Variants in SFMBT2 observed in about 807,000 individuals in gnomAD.
The protein encoded by SFMBT2 is Scm like with four mbt domains 2, also known as scm-like with four MBT domains protein 2.
In SFMBT2, 38 loss-of-function variants were observed where a neutral mutation model predicts 110.1. That is an observed-to-expected ratio of 0.35 (90% CI 0.27 to 0.45). The LOEUF (loss-of-function observed/expected upper bound fraction) is 0.45, where lower values mean the gene tolerates loss of function less well. Among genes scored for constraint, SFMBT2 ranks in the 20% least tolerant of loss-of-function variants. The pLI is 1.00. For missense variants in SFMBT2, 1,011 were observed against 1,094.9 expected (o/e 0.92, Z 1.08); for synonymous variants, 425 against 425.4 (o/e 1.00, Z 0.01).
At chr10:7,213,941 C>T (rs1396317299) in intron 11 of SFMBT2, among the ~76,000 whole-genome samples, 1 of 152,216 alleles carries the variant, frequency 6.6e-6, no homozygotes, top group East Asian at 1.9e-4. Flanking sequence ...CTAACCTCTA[C>T]ATCTGAGAAA....
intron 15 of SFMBT2, among the ~76,000 whole-genome samples, chr10:7,192,436 T>G (rs555495882): frequency 2.0e-4 from 31 of 152,334 alleles, no homozygotes; most frequent in Admixed American, 3.3e-4. Context: ...CTATGAACAC[T>G]GAAGGCTGCT....
At chr10:7,377,981 G>C (rs1437852169) in intron 2 of SFMBT2, among the ~76,000 whole-genome samples, 1 of 145,072 alleles carries the variant, frequency 6.9e-6, no homozygotes, top group Non-Finnish European at 1.5e-5. Context: ...TGTGTGTGTG[G>C]GGGGGAGGTG....
At chr10:7,215,516 G>T in intron 11 of SFMBT2, 1 of 983,488 alleles carries the variant, frequency 1.0e-6, no homozygotes, top group Non-Finnish European at 1.2e-6. Context: ...GGCAGGGGTT[G>T]TTTTATCCAA....
chr10:7,325,693 C>A (rs559767872), intron 4 of SFMBT2, among the ~76,000 whole-genome samples: 1 of 152,276 alleles, frequency 6.6e-6, no homozygotes, highest in East Asian at 1.9e-4. Flanking sequence ...TACAACGTGG[C>A]GGTCAAATCT....
At chr10:7,410,252 G>A (rs1846336433) in intron 1 of SFMBT2, among the ~76,000 whole-genome samples, 1 of 152,252 alleles carries the variant, frequency 6.6e-6, no homozygotes. Flanking sequence ...TTTTATTTCA[G>A]TTGCTCAGGC....
At chr10:7,228,921 G>A (rs1484306986) in intron 9 of SFMBT2, among the ~76,000 whole-genome samples, 1 of 151,948 alleles carries the variant, frequency 6.6e-6, no homozygotes, top group African/African-American at 2.4e-5. Context: ...CCTAAGAAAG[G>A]CATAACCCAG....
rs117658025 is a variant in SFMBT2, at chr10:7,388,008, G to A, written c.-51-6059C>T. ...TGGAGGTACCAGCAGCAAACAGCATGGCAGACCCTTGGGAAAAAGTCTAAG... is the reference window on the plus strand; with the variant it reads ...TGGAGGTACCAGCAGCAAACAGCATAGCAGACCCTTGGGAAAAAGTCTAAG... On this transcript the variant is annotated intron_variant, in intron 1 of 20. Coordinates refer to ENST00000397167, the MANE Select transcript of SFMBT2 (RefSeq NM_001387889.1). 3.0e-3 allele frequency among the ~76,000 whole-genome samples: 450 copies of A among 151,742 alleles called. 2 individuals are homozygous for A. The highest frequency in any genetic ancestry group is 3.9e-3 in the Non-Finnish European group (266 of 67,948).
chr10:7,188,611 T>A lies in SFMBT2; in HGVS notation c.1808+13A>T. On this transcript the variant is annotated intron_variant, in intron 16 of 20. Transcript: ENST00000397167. ...TACAAAAACCCTTGCTTTCCAGAAT[T>A]GAAAACACTTACTTGGCCTTCAGCG... The A allele has an allele frequency of 6.2e-7, 1 of 1,605,434 alleles. No homozygotes were observed.
intron 1 of SFMBT2, among the ~76,000 whole-genome samples, chr10:7,396,012 A>C (rs554226778): frequency 2.0e-4 from 30 of 152,240 alleles, no homozygotes; most frequent in Non-Finnish European, 4.3e-4. Context: ...AGGCAGGAGG[A>C]TCAGCTGAAG....
chr10:7,371,651 A>C (rs945909553), intron 2 of SFMBT2, among the ~76,000 whole-genome samples: 2 of 152,242 alleles, frequency 1.3e-5, no homozygotes, highest in Non-Finnish European at 2.9e-5. Flanking sequence ...CCATGATAAG[A>C]ACATACAACA....
In SFMBT2 at chr10:7,377,854, C is replaced by A. The variant is rs556333880; in HGVS notation, c.100+3945G>T. On this transcript the variant is annotated intron_variant, in intron 2 of 20. Coordinates refer to ENST00000397167, the MANE Select transcript of SFMBT2 (RefSeq NM_001387889.1). Reference sequence around the variant, plus strand: ...CAATCTGTGGCCGGGGGGTTGGGAACCCCTGTAGAAATGTGTCACGGGACA... The same window carrying A: ...CAATCTGTGGCCGGGGGGTTGGGAAACCCTGTAGAAATGTGTCACGGGACA... 2.6e-5 allele frequency among the ~76,000 whole-genome samples: 4 copies of A among 152,204 alleles called. No homozygotes were observed. The South Asian group carries it at 8.3e-4, about 32-fold the overall frequency.
chr10:7,171,986 G>A lies in SFMBT2; in HGVS notation c.2324C>T (p.Pro775Leu), dbSNP rs768081251. The A allele has an allele frequency of 2.5e-5, 38 of 1,548,594 alleles. No homozygotes were observed. The South Asian group carries it at 4.2e-4, about 17-fold the overall frequency. The change falls in exon 19 of 21, where the codon CCA becomes CTA. Residue 775 changes from proline (P) to leucine (L), a missense_variant. Coordinates refer to ENST00000397167, the MANE Select transcript of SFMBT2 (RefSeq NM_001387889.1). The surrounding 1 kb of genome is among the most constrained non-coding windows in gnomAD (Gnocchi z 4.9). ...CCCGCGGCCCCTTCGTGTCCTCTCT[G>A]GGGGTGGCCGGCGCACGGGCTCTGA... is the stretch of plus-strand genomic sequence containing the variant. ...SGSEPVRRPP[P>L]ERTRRGRGAP...
chr10:7,377,863 A>G (rs868089725), intron 2 of SFMBT2, among the ~76,000 whole-genome samples: 10 of 152,110 alleles, frequency 6.6e-5, no homozygotes, highest in Middle Eastern at 3.4e-3. Context: ...ACCCCTGTAG[A>G]AATGTGTCAC....
intron 10 of SFMBT2, among the ~76,000 whole-genome samples, chr10:7,222,603 A>G (rs1235419090): frequency 2.0e-5 from 3 of 151,906 alleles, no homozygotes; most frequent in Non-Finnish European, 4.4e-5. Context: ...CAGCAGTAAG[A>G]GTGTCCTGAT....
intron 4 of SFMBT2, among the ~76,000 whole-genome samples, chr10:7,347,299 C>T (rs1564451498): frequency 6.6e-6 from 1 of 152,186 alleles, no homozygotes; most frequent in Admixed American, 6.5e-5. Flanking sequence ...GAGAACCAGC[C>T]TTCCACCATG....
At chr10:7,165,698 G>A (rs905490057) in intron 20 of SFMBT2, among the ~76,000 whole-genome samples, 4 of 152,222 alleles carry the variant, frequency 2.6e-5, no homozygotes, top group African/African-American at 9.6e-5. Context: ...AAAGTAAACA[G>A]ATCTGTCTTG....
chr10:7,325,214 C>T (rs1212737054), intron 4 of SFMBT2, among the ~76,000 whole-genome samples: 6 of 152,008 alleles, frequency 3.9e-5, no homozygotes, highest in Non-Finnish European at 5.9e-5. Context: ...GTGATCCACC[C>T]GCCTTAGCCT....
chr10:7,173,365 T>G (rs1468951642), intron 17 of SFMBT2, among the ~76,000 whole-genome samples: 1 of 152,136 alleles, frequency 6.6e-6, no homozygotes, highest in Non-Finnish European at 1.5e-5. Flanking sequence ...AAGCACTGGG[T>G]GAACATCTGC....
At chr10:7,164,766 CA>C (rs1837650440) in intron 20 of SFMBT2, among the ~76,000 whole-genome samples, 1 of 151,000 alleles carries the variant, frequency 6.6e-6, no homozygotes, top group African/African-American at 2.5e-5. Context: ...CACACACACA[CA>C]CACACACACA....
Sources: gnomAD v4.1 joint callset for allele counts (sites outside exome capture counted in the v4.1 genomes callset) on GRCh38, gnomAD v4.1.1 for gene constraint, Gnocchi (gnomAD v3.1) non-coding constraint, MANE v1.5 for transcripts, NCBI Gene and HGNC (gene_info 2026-07-23, HGNC 2026-07-21) for gene names.